Variants in RAI14 observed in about 807,000 individuals in gnomAD.
The protein encoded by RAI14 is ankycorbin.
In RAI14, 45 loss-of-function variants were observed where a neutral mutation model predicts 115.4. That is an observed-to-expected ratio of 0.39 (90% CI 0.31 to 0.50). The LOEUF is 0.50. Ranked by LOEUF, RAI14 falls within the 20% of genes least tolerant of loss-of-function variation. The pLI, the probability that RAI14 is intolerant of heterozygous loss-of-function variation, is 0.85. For synonymous variants in RAI14, 371 were observed against 415.4 expected, an observed-to-expected ratio of 0.89 and a Z score of 1.30; for missense variants, 939 against 1,131.2, an observed-to-expected ratio of 0.83 and a Z score of 2.44.
At chr5:34,773,469 A>G (rs1035285444) in intron 3 of RAI14, among the ~76,000 whole-genome samples, 9 of 152,246 alleles carry the variant, frequency 5.9e-5, no homozygotes, top group African/African-American at 2.2e-4. Flanking sequence ...GTGAAGAGAC[A>G]ACCTGTCGAA....
rs373854430 is a variant in RAI14, at chr5:34,826,347, G to A, written c.2667G>A (p.Lys889=). Residue 889 remains lysine (K), a synonymous_variant, in exon 16 of 18, where the codon AAG becomes AAA. Transcript: ENST00000265109. ...GCCCCTAGATAAATGAGATGTCGAA[G>A]GAAGTCACCAAATTGAAGGAGGCCT... ...DKDKKINEMS[K]EVTKLKEALN... The A allele has an allele frequency of 1.9e-6, 3 of 1,613,720 alleles. No homozygotes were observed. In the African/African-American group the frequency reaches 4.0e-5, roughly 22 times the overall value.
At chr5:34,767,956 C>G (rs1580189434) in intron 3 of RAI14, among the ~76,000 whole-genome samples, 1 of 149,610 alleles carries the variant, frequency 6.7e-6, no homozygotes, top group African/African-American at 2.5e-5. Context: ...CTCATAGAGT[C>G]CCTACTGGGG....
At chr5:34,805,704 G>A (rs560003250) in intron 5 of RAI14, among the ~76,000 whole-genome samples, 22 of 152,200 alleles carry the variant, frequency 1.4e-4, no homozygotes, top group Admixed American at 2.6e-4. Flanking sequence ...AGCCGGGCGT[G>A]GTGGTGCATG....
Position 34,665,174 on chromosome 5 carries a change from C to CATAT in RAI14, c.-49+8700_-49+8701insTATA, listed in dbSNP as rs1426275543. 3.9e-3 allele frequency among the ~76,000 whole-genome samples: 12 copies of CATAT among 3,064 alleles called. 1 individual carries two copies. Among genetic ancestry groups the CATAT allele is most frequent in the Non-Finnish European group, 9.5e-3 (9 of 952 alleles). The allele number at this position is 3,064 out of a possible 152,430, so 2.0% of individuals were successfully genotyped here. ...ATATGTGTGTGTATATATATATATA[C>CATAT]ACACATATATATATGTATATATATA... On this transcript the variant is annotated intron_variant, in intron 1 of 17. Transcript: ENST00000265109.
At chr5:34,691,294 A>G (rs1738568772) in intron 2 of RAI14, among the ~76,000 whole-genome samples, 2 of 152,218 alleles carry the variant, frequency 1.3e-5, no homozygotes, top group African/African-American at 2.4e-5. Flanking sequence ...CATGGCCCTG[A>G]GTATTTAAAG....
At position 34,715,769 on chromosome 5, in the gene RAI14, C is replaced by CT. The variant is rs531893462; in HGVS notation, c.36+28816dup. 4.6e-5 allele frequency among the ~76,000 whole-genome samples: 7 copies of CT among 152,296 alleles called. No homozygotes were observed. In the South Asian group the frequency reaches 1.5e-3, roughly 32 times the overall value. On this transcript the variant is annotated intron_variant, in intron 2 of 17. Coordinates refer to ENST00000265109, the MANE Select transcript of RAI14 (RefSeq NM_015577.3). Reference sequence around the variant, plus strand: ...TCCCTAGAGCAGTACCCTATCAGGACTTAGGCTCTGGGGATTTCACTGCTC... The same window carrying CT: ...TCCCTAGAGCAGTACCCTATCAGGACTTTAGGCTCTGGGGATTTCACTGCTC...
At chr5:34,780,768 G>T (rs963242200) in intron 3 of RAI14, among the ~76,000 whole-genome samples, 1 of 152,176 alleles carries the variant, frequency 6.6e-6, no homozygotes, top group Non-Finnish European at 1.5e-5. Flanking sequence ...TTACACTGTT[G>T]GTGGGACTGT....
At chr5:34,682,517 T>TA (rs11446465) in intron 1 of RAI14, among the ~76,000 whole-genome samples, 5,981 of 152,178 alleles carry the variant, frequency 0.039, 440 homozygotes, top group African/African-American at 0.14. Flanking sequence ...AATGAACTGA[T>TA]AATAAACAAT....
chr5:34,730,553 G>A (rs868469489), intron 2 of RAI14, among the ~76,000 whole-genome samples: 4 of 152,180 alleles, frequency 2.6e-5, no homozygotes, highest in Middle Eastern at 3.4e-3. Context: ...GCATGCACCT[G>A]TAGTCTCTGC....
chr5:34,826,444 C>G lies in RAI14; in HGVS notation c.2764C>G (p.Gln922Glu), dbSNP rs762044517. ...GCAGAGTCAGCAGCTGGAGGCGCTG[C>G]AGCAGCAAGTCAAACAGCTCCAGAA... Reference protein sequence around the residue: ...KRQSQQLEALQQQVKQLQNQL... With the variant: ...KRQSQQLEALEQQVKQLQNQL... The change falls in exon 16 of 18, where the codon CAG becomes GAG. Residue 922 changes from glutamine (Q) to glutamate (E), a missense_variant. Transcript: ENST00000265109. 6.2e-7 allele frequency: 1 copy of G among 1,613,932 alleles called. No individual in the cohort carries two copies. The highest frequency in any genetic ancestry group is 2.2e-5 in the East Asian group (1 of 44,862).
At chr5:34,816,651 A>G (rs1448968492) in intron 12 of RAI14, among the ~76,000 whole-genome samples, 1 of 152,130 alleles carries the variant, frequency 6.6e-6, no homozygotes, top group Admixed American at 6.5e-5. Flanking sequence ...CCTTATTTAG[A>G]ATTATTAAAG....
At chr5:34,784,541 T>G (rs1752056006) in intron 3 of RAI14, among the ~76,000 whole-genome samples, 1 of 152,190 alleles carries the variant, frequency 6.6e-6, no homozygotes, top group Non-Finnish European at 1.5e-5. Context: ...TCCATGTAAT[T>G]TAACAATCTG....
At chr5:34,720,720 T>C (rs1742606131) in intron 2 of RAI14, among the ~76,000 whole-genome samples, 1 of 152,110 alleles carries the variant, frequency 6.6e-6, no homozygotes, top group Non-Finnish European at 1.5e-5. Flanking sequence ...GATTTTTTTT[T>C]CTACTTGACT....
chr5:34,701,326 G>A (rs575735720), intron 2 of RAI14, among the ~76,000 whole-genome samples: 1 of 152,210 alleles, frequency 6.6e-6, no homozygotes, highest in South Asian at 2.1e-4. Flanking sequence ...TCTTTGTGGG[G>A]GGAAAATGTG....
chr5:34,657,640 C>A (rs1424977235), intron 1 of RAI14, among the ~76,000 whole-genome samples: 1 of 152,202 alleles, frequency 6.6e-6, no homozygotes, highest in East Asian at 1.9e-4. Context: ...GTCTTCCTTC[C>A]GGGAGAGGAG....
chr5:34,799,485 C>T (rs1018425387), intron 4 of RAI14, among the ~76,000 whole-genome samples: 1 of 118,456 alleles, frequency 8.4e-6, no homozygotes, highest in Non-Finnish European at 1.7e-5. Context: ...AAACAAAACA[C>T]ACACACAGAC....
In RAI14 at chr5:34,756,790, C is replaced by G. The variant is rs164315; in HGVS notation, c.37-678C>G. ...GAAATCAGTTTTGCACATACGAGTG[C>G]CTTACTGTTACTGTGGTTTGCAGAA... On this transcript the variant is annotated intron_variant, in intron 2 of 17. Coordinates refer to ENST00000265109, the MANE Select transcript of RAI14 (RefSeq NM_015577.3). Among the ~76,000 whole-genome samples the G allele has an allele frequency of 8.7e-3, 1,318 of 152,252 alleles. 12 individuals carry two copies. The highest frequency in any genetic ancestry group is 0.03 in the African/African-American group (1,266 of 41,542).
At chr5:34,828,313 T>G (rs1480237397) in intron 16 of RAI14, among the ~76,000 whole-genome samples, 1 of 152,084 alleles carries the variant, frequency 6.6e-6, no homozygotes, top group African/African-American at 2.4e-5. Flanking sequence ...AAGAGGAGCA[T>G]GTTATTAAAG....
chr5:34,813,225 G>A (rs903834288), intron 10 of RAI14, among the ~76,000 whole-genome samples: 5 of 152,138 alleles, frequency 3.3e-5, no homozygotes, highest in Non-Finnish European at 5.9e-5. Context: ...TAATGCAGAC[G>A]TGTGGGAAAT....
Sources: allele counts gnomAD v4.1 joint callset (sites outside exome capture counted in the v4.1 genomes callset), GRCh38; gene constraint gnomAD v4.1.1; transcripts MANE v1.5; gene names NCBI Gene and HGNC (gene_info 2026-07-23, HGNC 2026-07-21).